The following TENT4A variants were observed in gnomAD, a reference collection of about 807,000 sequenced individuals.
TENT4A encodes the protein terminal nucleotidyltransferase 4A.
Under a neutral mutation model 72.8 loss-of-function variants are expected in TENT4A, and 7 were observed. That is an observed-to-expected ratio of 0.10 (90% CI 0.05 to 0.18). TENT4A has a LOEUF of 0.18. Among genes scored for constraint, TENT4A ranks in the 10% least tolerant of loss-of-function variants. The pLI, the probability that TENT4A is intolerant of heterozygous loss-of-function variation, is 1.00. For missense variants in TENT4A, 831 were observed against 1,017.7 expected (o/e 0.82, Z 2.50); for synonymous variants, 456 against 434.3 (o/e 1.05, Z -0.62).
chr5:6,734,847 G>C (rs930305163), intron 1 of TENT4A, among the ~76,000 whole-genome samples: 4 of 152,208 alleles, frequency 2.6e-5, no homozygotes, highest in Non-Finnish European at 5.9e-5. Context: ...TCTTCTCCCT[G>C]TGCAAGGGAA....
chr5:6,739,322 G>A (rs1741678506), intron 3 of TENT4A, among the ~76,000 whole-genome samples: 1 of 152,168 alleles, frequency 6.6e-6, no homozygotes, highest in Admixed American at 6.5e-5. Flanking sequence ...CATTAGCAGG[G>A]CCAGTGGGTA....
In TENT4A at chr5:6,756,926, G is replaced by A. The variant is rs1742733763; in HGVS notation, c.*1981G>A. 1 of 152,534 alleles carries A rather than the reference G, an allele frequency of 6.6e-6. No individual in the cohort carries two copies. Among genetic ancestry groups the A allele is most frequent in the Non-Finnish European group, 1.5e-5 (1 of 68,018 alleles). 9.4% of individuals were successfully genotyped at this position (152,534 alleles called of 1,614,324 possible). A position where few individuals can be genotyped will look rare whatever the true frequency, so the allele number is the denominator to read the frequency against. ...CACTGTGGTCGCGTGCTACAGGTTT[G>A]ACAAAAAGATATCATGTTTCGATTT... On this transcript the variant is annotated 3_prime_UTR_variant, in exon 13 of 13. Transcript: ENST00000230859.
At chr5:6,746,516 C>CCAACA in intron 7 of TENT4A, 89 bp downstream of exon 7, 1 of 1,190,448 alleles carries the variant, frequency 8.4e-7, no homozygotes, top group Non-Finnish European at 1.2e-6. Context: ...TCTGAGAGCC[C>CCAACA]CGGGCAGTTC....
chr5:6,754,637 C>G, intron 12 of TENT4A, 114 bp from the exon 13 acceptor site: 1 of 679,818 alleles, frequency 1.5e-6, no homozygotes, highest in South Asian at 3.4e-5. Context: ...GGGCAGGTGT[C>G]CATCCCTGCT....
chr5:6,746,417 C>G lies in TENT4A; in HGVS notation c.1449C>G (p.Pro483=), dbSNP rs1168706635. Residue 483 remains proline, a synonymous_variant, in exon 7 of 13, where the codon CCC becomes CCG. Coordinates refer to ENST00000230859, the MANE Select transcript of TENT4A (RefSeq NM_006999.6). ...CGTCGATGCTGTGCATTGAGGACCCCCTGCTGCCAGGTAAGGGCGCCCTGA... is the reference window on the plus strand; with the variant it reads ...CGTCGATGCTGTGCATTGAGGACCCGCTGCTGCCAGGTAAGGGCGCCCTGA... The part of the protein sequence containing the change: ...YRPSMLCIED[P]LLPGNDVGRS... The G allele has an allele frequency of 6.2e-7, 1 of 1,614,032 alleles. No individual in the cohort carries two copies. Among genetic ancestry groups the G allele is most frequent in the South Asian group, 1.1e-5 (1 of 91,064 alleles).
chr5:6,722,649 T>A (rs1262466115), intron 1 of TENT4A, among the ~76,000 whole-genome samples: 1 of 151,576 alleles, frequency 6.6e-6, no homozygotes, highest in Non-Finnish European at 1.5e-5. Flanking sequence ...GTACTCTTGA[T>A]GTATTTGCTC....
At chr5:6,752,478 G>A (rs1327785656) in intron 11 of TENT4A, among the ~76,000 whole-genome samples, 1 of 152,244 alleles carries the variant, frequency 6.6e-6, no homozygotes, top group African/African-American at 2.4e-5. Context: ...GGCAAGGAAG[G>A]AACTGCCAGC....
At chr5:6,728,523 G>A (rs1741054760) in intron 1 of TENT4A, among the ~76,000 whole-genome samples, 1 of 152,206 alleles carries the variant, frequency 6.6e-6, no homozygotes, top group Non-Finnish European at 1.5e-5. Context: ...CTTTGGCAGG[G>A]CAGGGACGTG....
In TENT4A at chr5:6,752,912, C is replaced by T. The variant is rs1742490514; in HGVS notation, c.2059C>T (p.Pro687Ser). ...ACCTCCACCGACCCTAGGGGTTGCT[C>T]CTGTTCCTTGCAGACAAGCTGGTGT... is the stretch of plus-strand genomic sequence containing the variant. Reference protein sequence around the residue: ...TIPPPTLGVAPVPCRQAGVEG... With the variant: ...TIPPPTLGVASVPCRQAGVEG... Residue 687 changes from proline (P) to serine (S), a missense_variant, in exon 12 of 13, where the codon CCT (proline) becomes TCT (serine). Coordinates refer to ENST00000230859, the MANE Select transcript of TENT4A (RefSeq NM_006999.6). 1 of 1,614,162 alleles carries T rather than the reference C, an allele frequency of 6.2e-7. No individual in the cohort carries two copies. Among genetic ancestry groups the T allele is most frequent in the East Asian group, 2.2e-5 (1 of 44,886 alleles).
chr5:6,722,555 T>TTG (rs1487273383), intron 1 of TENT4A, among the ~76,000 whole-genome samples: 1 of 150,368 alleles, frequency 6.7e-6, no homozygotes, highest in African/African-American at 2.4e-5. Flanking sequence ...TAGTTTTTTT[T>TTG]TTTTTTTTTT....
intron 6 of TENT4A, among the ~76,000 whole-genome samples, chr5:6,745,197 A>G (rs990443596): frequency 2.0e-5 from 3 of 152,226 alleles, no homozygotes; most frequent in Admixed American, 1.3e-4. Flanking sequence ...AAGGAAGGGA[A>G]TAAAGGTCAG....
Position 6,714,456 on chromosome 5 carries a change from G to GC in TENT4A, c.474dup (p.Ala159ArgfsTer84). On this transcript the variant is annotated frameshift_variant, in exon 1 of 13. Coordinates refer to ENST00000230859, the MANE Select transcript of TENT4A (RefSeq NM_006999.6). LOFTEE classifies it high-confidence loss of function. Reference sequence around the variant, plus strand: ...TTCAACTTCGCCGACGGCGCGCCCAGCGCCCCTGGCACAGCCAACGGGCAC... The same window carrying GC: ...TTCAACTTCGCCGACGGCGCGCCCAGCCGCCCCTGGCACAGCCAACGGGCAC... 1 of 1,177,712 alleles carries GC rather than the reference G, an allele frequency of 8.5e-7. No individual in the cohort carries two copies. Among genetic ancestry groups the GC allele is most frequent in the Non-Finnish European group, 1.0e-6 (1 of 953,418 alleles). 73.0% of individuals were successfully genotyped at this position (1,177,712 alleles called of 1,614,324 possible). A position where few individuals can be genotyped will look rare whatever the true frequency, so the allele number is the denominator to read the frequency against.
Position 6,713,964 on chromosome 5 carries a change from CCCGCGGGGG to C in TENT4A, c.-18_-10del. ...CGTCGGGGCGGGCGGGCGCGCGGGC[CCCGCGGGGG>C]CGGCGCGTGGATGGATCCGCGCGTG... On this transcript the variant is annotated 5_prime_UTR_variant, in exon 1 of 13. Coordinates refer to ENST00000230859, the MANE Select transcript of TENT4A (RefSeq NM_006999.6). The C allele has an allele frequency of 1.0e-6, 1 of 962,968 alleles. No individual in the cohort carries two copies. The highest frequency in any genetic ancestry group is 5.3e-4 in the Middle Eastern group (1 of 1,872). 59.7% of individuals were successfully genotyped at this position (962,968 alleles called of 1,614,324 possible).
intron 1 of TENT4A, among the ~76,000 whole-genome samples, chr5:6,725,875 G>A (rs999486936): frequency 6.6e-6 from 1 of 152,176 alleles, no homozygotes; most frequent in African/African-American, 2.4e-5. Context: ...GCTTGAAAGG[G>A]AAAGGTGTCC....
chr5:6,733,795 G>A (rs999021253), intron 1 of TENT4A, among the ~76,000 whole-genome samples: 6 of 152,192 alleles, frequency 3.9e-5, no homozygotes, highest in East Asian at 1.9e-4. Context: ...TTGCGCTGGC[G>A]GCGTGGCCTG....
chr5:6,743,932 C>A, intron 6 of TENT4A, 92 bp downstream of exon 6: 1 of 1,163,072 alleles, frequency 8.6e-7, no homozygotes, highest in Non-Finnish European at 1.2e-6. Context: ...GCAGCCTTTG[C>A]TCTCCTTTTA....
chr5:6,750,422 G>C lies in TENT4A; in HGVS notation c.1779G>C (p.Leu593Phe), dbSNP rs1742339033. The change falls in exon 10 of 13, where the codon TTG becomes TTC. Residue 593 changes from leucine to phenylalanine, a missense_variant. Physicochemically the swap from Leu to Phe is conservative, Grantham distance 22. Around this residue, in one of 3 missense-constraint regions of TENT4A, gnomAD observed 332 missense variants for 324.3 expected, o/e 1.02. Coordinates refer to ENST00000230859, the MANE Select transcript of TENT4A (RefSeq NM_006999.6). ...REPESPYGQR[L>F]TLSLSSPQLL... Reference sequence around the variant, plus strand: ...CCGAGTCTCCCTATGGCCAGCGCTTGACTTTGTCGCTGTCCAGCCCCCAGC... The same window carrying C: ...CCGAGTCTCCCTATGGCCAGCGCTTCACTTTGTCGCTGTCCAGCCCCCAGC... 6.2e-7 allele frequency: 1 copy of C among 1,613,540 alleles called. No individual in the cohort carries two copies. The highest frequency in any genetic ancestry group is 8.5e-7 in the Non-Finnish European group (1 of 1,179,724).
At chr5:6,724,561 G>A (rs1313162613) in intron 1 of TENT4A, among the ~76,000 whole-genome samples, 3 of 147,802 alleles carry the variant, frequency 2.0e-5, no homozygotes, top group African/African-American at 7.5e-5. Flanking sequence ...TGGAAGGATA[G>A]AGCACCGAGA....
intron 7 of TENT4A, among the ~76,000 whole-genome samples, chr5:6,747,995 A>G (rs921375939): frequency 6.6e-5 from 10 of 152,164 alleles, no homozygotes; most frequent in African/African-American, 2.4e-4. Context: ...CTGAGTTGTG[A>G]TGCACTTGGG....
Sources: gnomAD v4.1 joint callset for allele counts (sites outside exome capture counted in the v4.1 genomes callset) on GRCh38, gnomAD v4.1.1 for gene constraint, gnomAD v4.1.1 regional missense constraint, MANE v1.5 for transcripts, NCBI Gene and HGNC (gene_info 2026-07-23, HGNC 2026-07-21) for gene names.